MBD5: variants seen among roughly 807,000 people sequenced by gnomAD.
MBD5 encodes methyl-CpG binding domain protein 5.
Under a neutral mutation model 117.3 loss-of-function variants are expected in MBD5, and 13 were observed. The observed-to-expected ratio is 0.11, with a 90% CI of 0.07 to 0.18. The LOEUF is 0.18. MBD5 is among the 10% of genes least tolerant of loss of function. The pLI is 1.00. For synonymous variants in MBD5, 727 were observed against 766.4 expected, an observed-to-expected ratio of 0.95 and a Z score of 0.85; for missense variants, 1,879 against 2,093.8, an observed-to-expected ratio of 0.90 and a Z score of 2.00.
intron 4 of MBD5, among the ~76,000 whole-genome samples, chr2:148,386,737 A>C: frequency 8.5e-6 from 1 of 118,030 alleles, no homozygotes; most frequent in East Asian, 3.1e-4. Context: ...AAAAAAAAAA[A>C]AAAAAAGAAG....
rs547912363 is a variant in MBD5, at chr2:148,495,696, G to T, written c.4962+5102G>T. Among the ~76,000 whole-genome samples, 402 of 152,324 alleles carry T rather than the reference G, an allele frequency of 2.6e-3. 1 individual carries two copies. The highest frequency in any genetic ancestry group is 9.2e-3 in the African/African-American group (383 of 41,568). On this transcript the variant is annotated intron_variant, in intron 11 of 13. Transcript: ENST00000642680. Reference sequence around the variant, plus strand: ...TTTTCAAAGCATAAGTGGGTAGGGTGTTCCCTCTTCAAAACTGCTCTTTGA... The same window carrying T: ...TTTTCAAAGCATAAGTGGGTAGGGTTTTCCCTCTTCAAAACTGCTCTTTGA...
At chr2:148,276,754 CT>C (rs1701123415) in intron 3 of MBD5, among the ~76,000 whole-genome samples, 1 of 152,044 alleles carries the variant, frequency 6.6e-6, no homozygotes, top group South Asian at 2.1e-4. Context: ...AAGTAATTTT[CT>C]CTTTCTTGAC....
intron 12 of MBD5, 74 bp from the exon 13 acceptor site, chr2:148,509,986 T>G (rs999445140): frequency 1.6e-6 from 2 of 1,232,686 alleles, no homozygotes; most frequent in African/African-American, 3.0e-5. Flanking sequence ...TACTTTTGTT[T>G]TCTGATTAGG....
intron 11 of MBD5, among the ~76,000 whole-genome samples, chr2:148,500,132 AG>A (rs1235685195): frequency 6.6e-6 from 1 of 152,166 alleles, no homozygotes; most frequent in Non-Finnish European, 1.5e-5. Context: ...GTATTAGTTC[AG>A]AAAAAATATC....
chr2:148,347,759 C>T (rs1703157269), intron 4 of MBD5: 1 of 151,986 alleles, frequency 6.6e-6, no homozygotes, highest in Non-Finnish European at 1.5e-5. Flanking sequence ...ACAGTATTAA[C>T]TAACATATTC....
intron 3 of MBD5, among the ~76,000 whole-genome samples, chr2:148,247,935 T>C (rs546596786): frequency 6.6e-6 from 1 of 152,218 alleles, no homozygotes; most frequent in East Asian, 1.9e-4. Flanking sequence ...AATATAAAAA[T>C]AGTGTTTATA....
In MBD5 at chr2:148,458,445, C is replaced by A; in HGVS notation, c.-314C>A. ...CTAAAAACTTTACACTCCCCACCCC[C>A]ACTTCAGACAGGTACCAGCATTGGT... On this transcript the variant is annotated 5_prime_UTR_variant, in exon 5 of 14. Transcript: ENST00000642680. The A allele has an allele frequency of 1.8e-6, 1 of 562,972 alleles. No homozygotes were observed. Among genetic ancestry groups the A allele is most frequent in the Non-Finnish European group, 3.1e-6 (1 of 318,082 alleles). The allele number at this position is 562,972 out of a possible 1,614,324, so 34.9% of individuals were successfully genotyped here. A position where few individuals can be genotyped will look rare whatever the true frequency, so the allele number is the denominator to read the frequency against.
intron 4 of MBD5, among the ~76,000 whole-genome samples, chr2:148,351,835 CCCTTCATGT>C (rs796396452): frequency 1.1e-4 from 16 of 152,174 alleles, no homozygotes; most frequent in African/African-American, 3.6e-4. Context: ...CTTCTCTCTA[CCCTTCATGT>C]CCTTCATGTC....
intron 4 of MBD5, among the ~76,000 whole-genome samples, chr2:148,412,272 T>TTTTGTGTGTG (rs946184910): frequency 7.4e-4 from 107 of 144,582 alleles, no homozygotes; most frequent in African/African-American, 2.2e-3. Context: ...AGTATACTTT[T>TTTTGTGTGTG]TGTGTGTGTG....
intron 2 of MBD5, among the ~76,000 whole-genome samples, chr2:148,194,617 G>A (rs10165835): frequency 0.39 from 37,968 of 97,770 alleles, 7,445 homozygotes; most frequent in South Asian, 0.55. Context: ...TGGTGGGGTC[G>A]GGGGAGGGGG....
intron 1 of MBD5, among the ~76,000 whole-genome samples, chr2:148,104,190 C>A (rs950838597): frequency 2.0e-5 from 3 of 152,126 alleles, no homozygotes; most frequent in African/African-American, 4.8e-5. Flanking sequence ...TTCTCTCCCC[C>A]TCACTGGACC....
Position 148,515,574 on chromosome 2 carries a change from A to G in MBD5, c.*2633A>G, listed in dbSNP as rs1682329545. 6.6e-6 allele frequency: 1 copy of G among 152,168 alleles called. No individual in the cohort carries two copies. The highest frequency in any genetic ancestry group is 2.4e-5 in the African/African-American group (1 of 41,442). The allele number at this position is 152,168 out of a possible 1,614,324, so 9.4% of individuals were successfully genotyped here. On this transcript the variant is annotated 3_prime_UTR_variant, in exon 14 of 14. Coordinates refer to ENST00000642680, the MANE Select transcript of MBD5 (RefSeq NM_001378120.1). ...GCACTTCAATTTTGCCCATAGAGCCATTTCTTTGTCTTTGTATTGAAGCCA... is the reference window on the plus strand; with the variant it reads ...GCACTTCAATTTTGCCCATAGAGCCGTTTCTTTGTCTTTGTATTGAAGCCA...
chr2:148,485,456 C>A, intron 9 of MBD5: 1 of 341,074 alleles, frequency 2.9e-6, no homozygotes, highest in African/African-American at 2.1e-5. Flanking sequence ...ATGAAGGAAT[C>A]ATATGACACT....
intron 4 of MBD5, among the ~76,000 whole-genome samples, chr2:148,434,720 T>C (rs901763379): frequency 6.6e-6 from 1 of 152,062 alleles, no homozygotes; most frequent in African/African-American, 2.4e-5. Context: ...ATGAGAAAAA[T>C]GTATATTCGG....
At chr2:148,023,949 G>A (rs1693834131) in intron 1 of MBD5, among the ~76,000 whole-genome samples, 1 of 152,024 alleles carries the variant, frequency 6.6e-6, no homozygotes, top group Non-Finnish European at 1.5e-5. Context: ...TATCTTGGAG[G>A]TCACTTTATC....
At chr2:148,372,338 A>G (rs1703877622) in intron 4 of MBD5, among the ~76,000 whole-genome samples, 3 of 152,118 alleles carry the variant, frequency 2.0e-5, no homozygotes, top group South Asian at 4.1e-4. Context: ...TTTTTTCCTA[A>G]GAAAATATTT....
chr2:148,035,541 G>A (rs1336112133), intron 1 of MBD5, among the ~76,000 whole-genome samples: 1 of 152,170 alleles, frequency 6.6e-6, no homozygotes. Flanking sequence ...AGATGGTGGA[G>A]AAATTTGAAT....
intron 1 of MBD5, among the ~76,000 whole-genome samples, chr2:148,149,860 G>T (rs1340050792): frequency 2.7e-5 from 4 of 148,992 alleles, no homozygotes; most frequent in Non-Finnish European, 6.0e-5. Flanking sequence ...AGATGAGTAG[G>T]TTGCGAAAAT....
At chr2:148,116,398 A>C (rs951524151) in intron 1 of MBD5, among the ~76,000 whole-genome samples, 1 of 152,208 alleles carries the variant, frequency 6.6e-6, no homozygotes, top group Non-Finnish European at 1.5e-5. Flanking sequence ...GCCAGACCTC[A>C]GAATCTTACT....
Sources: allele counts gnomAD v4.1 joint callset (sites outside exome capture counted in the v4.1 genomes callset), GRCh38; gene constraint gnomAD v4.1.1; transcripts MANE v1.5; gene names NCBI Gene and HGNC (gene_info 2026-07-23, HGNC 2026-07-21).